Variants in STPG1 observed in about 807,000 individuals in gnomAD.
STPG1 encodes sperm tail PG-rich repeat containing 1.
STPG1 carries 33 observed loss-of-function variants against 40.1 expected under a neutral mutation model. The observed-to-expected ratio is 0.82, with a 90% CI of 0.62 to 1.10. The LOEUF is 1.10. STPG1 is among the 50% of genes least tolerant of loss of function. STPG1 has a pLI of 0.00. For missense variants in STPG1, 396 were observed against 415.1 expected, an observed-to-expected ratio of 0.95 and a Z score of 0.40; for synonymous variants, 150 against 155.0, an observed-to-expected ratio of 0.97 and a Z score of 0.24.
At position 24,374,262 on chromosome 1, in the gene STPG1, T is replaced by G. The variant is rs1441725822; in HGVS notation, c.463-452A>C. On this transcript the variant is annotated intron_variant, in intron 5 of 8. Coordinates refer to ENST00000337248, the MANE Select transcript of STPG1 (RefSeq NM_001199013.2). ...GGAAAGTGTTTTTTTTTTTTGTTTT[T>G]TTTTTTTTTTTTCTGAGACAGAGTC... is the stretch of plus-strand genomic sequence containing the variant. Among the ~76,000 whole-genome samples the G allele has an allele frequency of 4.5e-4, 59 of 132,166 alleles. 1 individual carries two copies. Among genetic ancestry groups the G allele is most frequent in the Admixed American group, 1.5e-3 (21 of 13,610 alleles). 86.7% of individuals were successfully genotyped at this position (132,166 alleles called of 152,430 possible). A position where few individuals can be genotyped will look rare whatever the true frequency, so the allele number is the denominator to read the frequency against.
intron 7 of STPG1, chr1:24,364,580 T>G: frequency 3.6e-6 from 3 of 825,124 alleles, no homozygotes; most frequent in Non-Finnish European, 4.9e-6. Flanking sequence ...CGGGAACATT[T>G]GCTGAAGTGC....
At chr1:24,366,542 G>A (rs575402487) in intron 7 of STPG1, among the ~76,000 whole-genome samples, 2 of 152,264 alleles carry the variant, frequency 1.3e-5, no homozygotes, top group East Asian at 3.9e-4. Context: ...AAGCCTACCA[G>A]TCTTATCTTC....
At chr1:24,366,658 C>T (rs148279104) in intron 7 of STPG1, among the ~76,000 whole-genome samples, 6 of 152,286 alleles carry the variant, frequency 3.9e-5, no homozygotes, top group African/African-American at 1.2e-4. Flanking sequence ...GCTCCACGTT[C>T]GTTGTCCCCT....
intron 3 of STPG1, among the ~76,000 whole-genome samples, chr1:24,390,250 C>T (rs765510294): frequency 1.3e-5 from 2 of 152,182 alleles, no homozygotes; most frequent in Admixed American, 1.3e-4. Context: ...TTGCTTCTGT[C>T]CCCTGCTGGT....
intron 1 of STPG1, among the ~76,000 whole-genome samples, chr1:24,409,789 C>A (rs1643545987): frequency 6.6e-6 from 1 of 152,188 alleles, no homozygotes; most frequent in African/African-American, 2.4e-5. Flanking sequence ...GATCCACCAT[C>A]ACGTTGTCTC....
At position 24,364,069 on chromosome 1, in the gene STPG1, CCAACA is replaced by C. The variant is rs60554934; in HGVS notation, c.738-3033_738-3029del. ...CTTCCGTTTTACCTTCCAGAAACAC[CCAACA>C]CAACACAGTTCAGCAACTCCATGCC... On this transcript the variant is annotated intron_variant, in intron 7 of 8. Transcript: ENST00000337248. The C allele has an allele frequency of 5.8e-4, 794 of 1,370,208 alleles. 2 individuals are homozygous for C. The African/African-American group carries it at 0.011, about 18-fold the overall frequency. The allele number at this position is 1,370,208 out of a possible 1,614,324, so 84.9% of individuals were successfully genotyped here.
chr1:24,382,968 A>G (rs1248399835), intron 4 of STPG1, among the ~76,000 whole-genome samples: 1 of 136,222 alleles, frequency 7.3e-6, no homozygotes, highest in Non-Finnish European at 1.5e-5. Flanking sequence ...CTGGAGTGTG[A>G]TGGTGAAATC....
intron 2 of STPG1, among the ~76,000 whole-genome samples, chr1:24,392,375 C>G (rs1642809883): frequency 6.6e-6 from 1 of 152,180 alleles, no homozygotes; most frequent in Non-Finnish European, 1.5e-5. Context: ...TAGACTCTAA[C>G]CTGTAAGTGT....
intron 1 of STPG1, among the ~76,000 whole-genome samples, chr1:24,402,705 C>A (rs116179297): frequency 6.7e-6 from 1 of 149,338 alleles, no homozygotes; most frequent in African/African-American, 2.5e-5. Context: ...ATGACAGCAC[C>A]ACTGCACTCC....
At chr1:24,371,491 T>G (rs1641736235) in intron 6 of STPG1, among the ~76,000 whole-genome samples, 2 of 151,328 alleles carry the variant, frequency 1.3e-5, no homozygotes, top group African/African-American at 4.9e-5. Flanking sequence ...TTCTGGAGGC[T>G]GAGGCAGGAG....
intron 2 of STPG1, among the ~76,000 whole-genome samples, chr1:24,394,840 T>C (rs1434744121): frequency 6.6e-6 from 1 of 151,886 alleles, no homozygotes; most frequent in Non-Finnish European, 1.5e-5. Context: ...TTGAGGAGCC[T>C]AATATATATG....
chr1:24,373,932 A>C, intron 5 of STPG1, 122 bp from the exon 6 acceptor site: 1 of 704,856 alleles, frequency 1.4e-6, no homozygotes, highest in Non-Finnish European at 2.6e-6. Context: ...CCTTCTTAGC[A>C]AATGAACAGA....
chr1:24,387,874 G>A (rs1338331384), intron 3 of STPG1, among the ~76,000 whole-genome samples: 1 of 152,092 alleles, frequency 6.6e-6, no homozygotes, highest in African/African-American at 2.4e-5. Context: ...CCTTGAACAT[G>A]GTGACTTCTG....
chr1:24,369,410 A>G (rs1423113110), intron 7 of STPG1: 2 of 595,870 alleles, frequency 3.4e-6, no homozygotes, highest in Non-Finnish European at 6.5e-6. Flanking sequence ...TTCCTCCTCT[A>G]TGGGGTAAGA....
At chr1:24,364,682 A>C (rs1284361663) in intron 7 of STPG1, among the ~76,000 whole-genome samples, 2 of 152,160 alleles carry the variant, frequency 1.3e-5, no homozygotes, top group Admixed American at 1.3e-4. Flanking sequence ...TGGTCCCTCC[A>C]TGTCGAGGTG....
At chr1:24,398,629 G>T (rs1377721098) in intron 2 of STPG1, among the ~76,000 whole-genome samples, 2 of 152,046 alleles carry the variant, frequency 1.3e-5, no homozygotes, top group Non-Finnish European at 2.9e-5. Flanking sequence ...CCTATAAGAG[G>T]TAATAGTTGG....
Position 24,359,624 on chromosome 1 carries a change from G to A in STPG1, c.929-1005C>T, listed in dbSNP as rs1481858941. Among the ~76,000 whole-genome samples, 1 of 152,164 alleles carries A rather than the reference G, an allele frequency of 6.6e-6. No individual in the cohort carries two copies. The highest frequency in any genetic ancestry group is 1.5e-5 in the Non-Finnish European group (1 of 68,030). ...CCCCACCTGACTGTGGCCTCTGGGG[G>A]CAAACCTGGGGCCCAGGTCATCTTG... On this transcript the variant is annotated intron_variant, in intron 8 of 8. Transcript: ENST00000337248. This position sits in a 1 kb window ranked among gnomAD's most constrained non-coding sequence, Gnocchi z 5.3.
At chr1:24,372,518 C>G (rs2148688326) in intron 6 of STPG1, among the ~76,000 whole-genome samples, 1 of 152,300 alleles carries the variant, frequency 6.6e-6, no homozygotes, top group South Asian at 2.1e-4. Flanking sequence ...TGGAGGTGCC[C>G]ACATCCCAGG....
intron 7 of STPG1, among the ~76,000 whole-genome samples, chr1:24,362,546 C>T (rs567686639): frequency 6.6e-6 from 1 of 152,190 alleles, no homozygotes; most frequent in South Asian, 2.1e-4. Context: ...TTACAATGAA[C>T]AGAGAAAAGG....
Sources: allele counts gnomAD v4.1 joint callset (sites outside exome capture counted in the v4.1 genomes callset), GRCh38; gene constraint gnomAD v4.1.1; non-coding constraint Gnocchi (gnomAD v3.1); transcripts MANE v1.5; gene names NCBI Gene and HGNC (gene_info 2026-07-23, HGNC 2026-07-21).